The following IRF2 variants were observed in gnomAD, a reference collection of about 807,000 sequenced individuals.
IRF2 encodes interferon regulatory factor 2.
IRF2 carries 15 observed loss-of-function variants against 40.6 expected under a neutral mutation model. The ratio of observed to expected loss-of-function variants is 0.37; its 90% CI spans 0.25 to 0.57. The LOEUF (loss-of-function observed/expected upper bound fraction) is 0.57, where lower values mean the gene tolerates loss of function less well. Among genes scored for constraint, IRF2 ranks in the 20% least tolerant of loss-of-function variants. IRF2 has a pLI of 0.77. For synonymous variants in IRF2, 151 were observed against 165.5 expected, an observed-to-expected ratio of 0.91 and a Z score of 0.67; for missense variants, 317 against 455.7, an observed-to-expected ratio of 0.70 and a Z score of 2.77.
chr4:184,439,797 C>G (rs1738233554), intron 1 of IRF2, among the ~76,000 whole-genome samples: 2 of 152,298 alleles, frequency 1.3e-5, no homozygotes, highest in South Asian at 4.1e-4. Flanking sequence ...GAAATGTGTG[C>G]TGCATCCGAA....
intron 2 of IRF2, among the ~76,000 whole-genome samples, chr4:184,424,667 T>C (rs571528608): frequency 1.6e-4 from 25 of 152,306 alleles, no homozygotes; most frequent in South Asian, 1.2e-3. Context: ...ACCTTGGACT[T>C]CTCAGCCTCC....
At chr4:184,434,948 C>G (rs1334988758) in intron 1 of IRF2, among the ~76,000 whole-genome samples, 1 of 152,156 alleles carries the variant, frequency 6.6e-6, no homozygotes, top group East Asian at 1.9e-4. Context: ...CCTTGGGAGG[C>G]TGAGGTGGGA....
At chr4:184,465,215 C>A (rs915882042) in intron 1 of IRF2, among the ~76,000 whole-genome samples, 4 of 152,234 alleles carry the variant, frequency 2.6e-5, no homozygotes, top group Non-Finnish European at 4.4e-5. Flanking sequence ...CCACAGCTGT[C>A]TGAGGACAAA....
intron 1 of IRF2, among the ~76,000 whole-genome samples, chr4:184,441,631 G>C (rs928931628): frequency 5.3e-5 from 8 of 152,166 alleles, no homozygotes; most frequent in Non-Finnish European, 1.5e-5. Context: ...CCTTGAAAAT[G>C]ATACCAGCTG....
chr4:184,398,449 G>A (rs1188479066), intron 7 of IRF2, among the ~76,000 whole-genome samples: 1 of 152,048 alleles, frequency 6.6e-6, no homozygotes, highest in Non-Finnish European at 1.5e-5. Flanking sequence ...CTGACGTCAG[G>A]AGCTCGAGAC....
At chr4:184,411,838 C>T (rs1001339528) in intron 5 of IRF2, among the ~76,000 whole-genome samples, 5 of 151,994 alleles carry the variant, frequency 3.3e-5, no homozygotes, top group African/African-American at 1.2e-4. Context: ...CACTCCTGCC[C>T]TGGCTCAACT....
intron 1 of IRF2, among the ~76,000 whole-genome samples, chr4:184,467,872 T>G (rs925474757): frequency 1.3e-5 from 2 of 152,218 alleles, no homozygotes; most frequent in African/African-American, 4.8e-5. Context: ...TTCTCAAAAA[T>G]CGTCATTTAA....
chr4:184,414,284 T>G (rs1737183689), intron 5 of IRF2, among the ~76,000 whole-genome samples: 1 of 152,240 alleles, frequency 6.6e-6, no homozygotes, highest in African/African-American at 2.4e-5. Context: ...CCATGATATT[T>G]TCTGAAACAT....
intron 1 of IRF2, among the ~76,000 whole-genome samples, chr4:184,439,184 T>C (rs954294164): frequency 6.6e-6 from 1 of 152,104 alleles, no homozygotes; most frequent in African/African-American, 2.4e-5. Context: ...TCCTACTACG[T>C]AGATTTTTCA....
intron 1 of IRF2, among the ~76,000 whole-genome samples, chr4:184,450,567 A>G (rs954067592): frequency 2.0e-5 from 3 of 152,218 alleles, no homozygotes; most frequent in African/African-American, 7.2e-5. Context: ...TGAAATCTTA[A>G]GTAGCCATTT....
chr4:184,462,609 A>G (rs1739184161), intron 1 of IRF2, among the ~76,000 whole-genome samples: 1 of 152,248 alleles, frequency 6.6e-6, no homozygotes, highest in African/African-American at 2.4e-5. Context: ...ATCACCAAAT[A>G]TAGCTTATTT....
At chr4:184,411,059 CTT>C (rs34897483) in intron 5 of IRF2, among the ~76,000 whole-genome samples, 218 of 141,298 alleles carry the variant, frequency 1.5e-3, no homozygotes, top group African/African-American at 3.6e-3. Flanking sequence ...TCTCTCCACA[CTT>C]TTTTTTTTTT....
intron 1 of IRF2, among the ~76,000 whole-genome samples, chr4:184,459,204 G>A (rs1174466462): frequency 1.3e-5 from 2 of 152,104 alleles, no homozygotes; most frequent in Admixed American, 1.3e-4. Context: ...AAGGGCAGCC[G>A]CGAGGATAAA....
At chr4:184,426,341 G>A (rs908174241) in intron 2 of IRF2, among the ~76,000 whole-genome samples, 4 of 152,298 alleles carry the variant, frequency 2.6e-5, no homozygotes, top group African/African-American at 9.6e-5. Flanking sequence ...CCAAGGCTCT[G>A]GGAAGGATCC....
At chr4:184,454,780 T>A (rs1215452916) in intron 1 of IRF2, among the ~76,000 whole-genome samples, 1 of 152,222 alleles carries the variant, frequency 6.6e-6, no homozygotes, top group Non-Finnish European at 1.5e-5. Context: ...CGCCAAGCCA[T>A]AGTTTCCTCA....
chr4:184,413,041 C>T lies in IRF2; in HGVS notation c.412-4766G>A, dbSNP rs1477613008. Among the ~76,000 whole-genome samples the T allele has an allele frequency of 6.6e-6, 1 of 152,180 alleles. No homozygotes were observed. Reference sequence around the variant, plus strand: ...CACAAAACGACCTGCATTCCCAACACTCGCTTCTGAAGGTGCAAAACGCCG... The same window carrying T: ...CACAAAACGACCTGCATTCCCAACATTCGCTTCTGAAGGTGCAAAACGCCG... On this transcript the variant is annotated intron_variant, in intron 5 of 8. Coordinates refer to ENST00000393593, the MANE Select transcript of IRF2 (RefSeq NM_002199.4). This position sits in a 1 kb window ranked among gnomAD's most constrained non-coding sequence, Gnocchi z 4.2.
intron 1 of IRF2, among the ~76,000 whole-genome samples, chr4:184,464,537 C>T (rs1193129095): frequency 6.6e-6 from 1 of 152,100 alleles, no homozygotes; most frequent in African/African-American, 2.4e-5. Context: ...TCTCACTTCC[C>T]CTACAAACAT....
intron 6 of IRF2, among the ~76,000 whole-genome samples, chr4:184,407,905 C>T (rs773460003): frequency 5.3e-5 from 8 of 152,154 alleles, no homozygotes; most frequent in Admixed American, 2.0e-4. Flanking sequence ...CACGAGCCGC[C>T]GGGAAACAAA....
chr4:184,404,703 G>A (rs773882445), intron 6 of IRF2, among the ~76,000 whole-genome samples: 47 of 152,296 alleles, frequency 3.1e-4, no homozygotes, highest in Non-Finnish European at 5.7e-4. Flanking sequence ...ATACAGCCAT[G>A]ATTTGGTTTA....
Sources: gnomAD v4.1 joint callset for allele counts (sites outside exome capture counted in the v4.1 genomes callset) on GRCh38, gnomAD v4.1.1 for gene constraint, Gnocchi (gnomAD v3.1) non-coding constraint, MANE v1.5 for transcripts, NCBI Gene and HGNC (gene_info 2026-07-23, HGNC 2026-07-21) for gene names.